The following NOX4 variants were observed in gnomAD, a reference collection of about 807,000 sequenced individuals.
NOX4 encodes NADPH oxidase 4.
Under a neutral mutation model 87.6 loss-of-function variants are expected in NOX4, and 69 were observed. The observed-to-expected ratio is 0.79, with a 90% CI of 0.65 to 0.96. The LOEUF (loss-of-function observed/expected upper bound fraction) is 0.96. NOX4 is among the 40% of genes least tolerant of loss of function. The pLI, the probability that NOX4 is intolerant of heterozygous loss-of-function variation, is 0.00. For missense variants in NOX4, 680 were observed against 681.5 expected (o/e 1.00, Z 0.02); for synonymous variants, 275 against 238.2 (o/e 1.15, Z -1.42).
chr11:89,558,149 T>C, the NOX4 span, among the ~76,000 whole-genome samples: 1 of 152,034 alleles, frequency 6.6e-6, no homozygotes, highest in South Asian at 2.1e-4. Context: ...TTTTTACTTA[T>C]GCAAAAGAGT....
At chr11:89,440,937 G>A (rs1944428590) in intron 5 of NOX4, among the ~76,000 whole-genome samples, 1 of 152,082 alleles carries the variant, frequency 6.6e-6, no homozygotes, top group Non-Finnish European at 1.5e-5. Context: ...TCCATCTGAG[G>A]CAAAATACTG....
intron 13 of NOX4, among the ~76,000 whole-genome samples, chr11:89,348,038 G>T (rs1180982767): frequency 6.6e-6 from 1 of 152,172 alleles, no homozygotes; most frequent in Non-Finnish European, 1.5e-5. Flanking sequence ...TATTTTGGGA[G>T]GCTGAGGTGG....
At chr11:89,550,930 G>A in the NOX4 span, among the ~76,000 whole-genome samples, 3 of 152,148 alleles carry the variant, frequency 2.0e-5, no homozygotes. Context: ...TTATGTTTAT[G>A]TATTTAATCC....
chr11:89,516,351 G>A, the NOX4 span, among the ~76,000 whole-genome samples: 2 of 151,940 alleles, frequency 1.3e-5, no homozygotes, highest in East Asian at 1.9e-4. Flanking sequence ...TTAGAGACTC[G>A]ATATGCTTCA....
the NOX4 span, among the ~76,000 whole-genome samples, chr11:89,580,859 G>C: frequency 6.6e-6 from 1 of 152,146 alleles, no homozygotes; most frequent in African/African-American, 2.4e-5. Context: ...TCTATGAACA[G>C]TTCCTGTGAA....
chr11:89,344,385 AC>A (rs1946127752), intron 13 of NOX4, among the ~76,000 whole-genome samples: 2 of 151,598 alleles, frequency 1.3e-5, no homozygotes, highest in Admixed American at 6.6e-5. Flanking sequence ...ACAAAATGAG[AC>A]CCTTGTCTTA....
chr11:89,356,253 C>T (rs888879361), intron 12 of NOX4, among the ~76,000 whole-genome samples: 7 of 151,866 alleles, frequency 4.6e-5, no homozygotes, highest in Non-Finnish European at 1.0e-4. Flanking sequence ...GTTGGTGTTT[C>T]ATATGTATTA....
intron 12 of NOX4, among the ~76,000 whole-genome samples, chr11:89,365,072 G>C (rs1938850541): frequency 6.6e-6 from 1 of 151,848 alleles, no homozygotes; most frequent in South Asian, 2.1e-4. Context: ...CTTTCTTCTT[G>C]CCTAAGGATT....
the NOX4 span, among the ~76,000 whole-genome samples, chr11:89,522,714 CATAAA>C: frequency 3.3e-5 from 5 of 152,202 alleles, no homozygotes; most frequent in African/African-American, 1.2e-4. Flanking sequence ...TAAGGTTATT[CATAAA>C]ATAAAAGTAA....
chr11:89,577,991 G>C, the NOX4 span, among the ~76,000 whole-genome samples: 15 of 151,980 alleles, frequency 9.9e-5, no homozygotes, highest in Non-Finnish European at 2.1e-4. Context: ...AACTCTGCAT[G>C]GTGAGGTTTG....
the NOX4 span, among the ~76,000 whole-genome samples, chr11:89,513,693 T>A: frequency 2.0e-5 from 3 of 152,038 alleles, no homozygotes; most frequent in Non-Finnish European, 4.4e-5. Flanking sequence ...GAAAAAATTA[T>A]ATTTTATTTA....
chr11:89,325,870 G>T lies in NOX4; in HGVS notation c.*886C>A, dbSNP rs1945199347. ...ACAAAAATGCTGAAAAAAGGGAAAA[G>T]TTATTAGTATATGTGTATATATATA... On this transcript the variant is annotated 3_prime_UTR_variant, in exon 18 of 18. Transcript: ENST00000263317. 1.4e-5 allele frequency: 2 copies of T among 142,574 alleles called. No homozygotes were observed. Among genetic ancestry groups the T allele is most frequent in the African/African-American group, 2.6e-5 (1 of 38,112 alleles). The allele number at this position is 142,574 out of a possible 1,614,324, so 8.8% of individuals were successfully genotyped here.
At position 89,354,914 on chromosome 11, in the gene NOX4, C is replaced by A. The variant is rs183318201; in HGVS notation, c.1217+48G>T. ...TTTTGCCTGCCCAAATCTCTCCCAG[C>A]ACTATGCCCATTGCCTCATCAAAAC... On this transcript the variant is annotated intron_variant, in intron 13 of 17. Coordinates refer to ENST00000263317, the MANE Select transcript of NOX4 (RefSeq NM_016931.5). 3.3e-4 allele frequency: 408 copies of A among 1,227,780 alleles called. 2 individuals are homozygous for A. Among genetic ancestry groups the A allele is most frequent in the Non-Finnish European group, 4.4e-4 (370 of 842,058 alleles). The allele number at this position is 1,227,780 out of a possible 1,614,324, so 76.1% of individuals were successfully genotyped here. A position where few individuals can be genotyped will look rare whatever the true frequency, so the allele number is the denominator to read the frequency against.
At chr11:89,537,145 T>C in the NOX4 span, among the ~76,000 whole-genome samples, 1 of 152,170 alleles carries the variant, frequency 6.6e-6, no homozygotes, top group Non-Finnish European at 1.5e-5. Context: ...TTTTTGCCAT[T>C]GTTTAAAAAT....
chr11:89,512,909 A>G, the NOX4 span, among the ~76,000 whole-genome samples: 2 of 152,124 alleles, frequency 1.3e-5, no homozygotes, highest in African/African-American at 4.8e-5. Flanking sequence ...GCACCACTGT[A>G]TGAGTAGCAT....
At chr11:89,494,989 C>T (rs1158421225), upstream of NOX4, among the ~76,000 whole-genome samples, 1 of 152,182 alleles carries the variant, frequency 6.6e-6, no homozygotes, top group African/African-American at 2.4e-5. Context: ...GTCACCCAAG[C>T]TGGAGTGGAG....
chr11:89,530,200 C>T, the NOX4 span, among the ~76,000 whole-genome samples: 2 of 150,898 alleles, frequency 1.3e-5, no homozygotes, highest in African/African-American at 4.9e-5. Context: ...ATGTTCTTTC[C>T]AGCTGTAGGC....
chr11:89,514,282 T>C, the NOX4 span, among the ~76,000 whole-genome samples: 1 of 151,994 alleles, frequency 6.6e-6, no homozygotes, highest in Non-Finnish European at 1.5e-5. Context: ...TGGAATTGTG[T>C]TCTTAATTTC....
chr11:89,384,119 TG>T (rs1191331536), intron 11 of NOX4, among the ~76,000 whole-genome samples: 4 of 152,320 alleles, frequency 2.6e-5, no homozygotes, highest in South Asian at 2.1e-4. Context: ...GTTCAGGATC[TG>T]TGCGTTATCA....
Sources: gnomAD v4.1 joint callset for allele counts (sites outside exome capture counted in the v4.1 genomes callset) on GRCh38, gnomAD v4.1.1 for gene constraint, MANE v1.5 for transcripts, NCBI Gene and HGNC (gene_info 2026-07-23, HGNC 2026-07-21) for gene names.